Variants in CYFIP1 observed in about 807,000 individuals in gnomAD.
The protein encoded by CYFIP1 is cytoplasmic FMR1-interacting protein 1.
Under a neutral mutation model 163.5 loss-of-function variants are expected in CYFIP1, and 58 were observed. That is an observed-to-expected ratio of 0.35 (90% confidence interval 0.29 to 0.44). The LOEUF is 0.44. Among genes scored for constraint, CYFIP1 ranks in the 20% least tolerant of loss-of-function variants. CYFIP1 has a pLI of 1.00. For missense variants in CYFIP1, 1,338 were observed against 1,653.8 expected, an observed-to-expected ratio of 0.81 and a Z score of 3.31; for synonymous variants, 663 against 660.7, an observed-to-expected ratio of 1.00 and a Z score of -0.05.
intron 23 of CYFIP1, among the ~76,000 whole-genome samples, chr15:22,883,758 A>C (rs893722224): frequency 1.7e-4 from 25 of 145,074 alleles, no homozygotes; most frequent in Non-Finnish European, 3.6e-4. Flanking sequence ...TGGAGCTTGC[A>C]GTGAGCCGAG....
At chr15:22,916,151 A>G (rs943243980) in intron 16 of CYFIP1, among the ~76,000 whole-genome samples, 13 of 152,184 alleles carry the variant, frequency 8.5e-5, no homozygotes, top group African/African-American at 2.9e-4. Context: ...TGCAAGGGCC[A>G]TTTCTAGTAT....
chr15:22,975,986 G>T (rs1051750955), intron 1 of CYFIP1, among the ~76,000 whole-genome samples: 4 of 152,028 alleles, frequency 2.6e-5, no homozygotes, highest in Non-Finnish European at 4.4e-5. Context: ...GAGAACTGAT[G>T]TCTTTACTAT....
intron 21 of CYFIP1, among the ~76,000 whole-genome samples, chr15:22,906,101 C>T (rs946072797): frequency 7.3e-5 from 11 of 150,790 alleles, no homozygotes; most frequent in African/African-American, 2.0e-4. Context: ...AACCTTATTT[C>T]TCGATTTATT....
intron 13 of CYFIP1, among the ~76,000 whole-genome samples, chr15:22,923,974 A>T: frequency 6.6e-6 from 1 of 151,856 alleles, no homozygotes; most frequent in South Asian, 2.1e-4. Context: ...AACAAGAAAA[A>T]GAAGTTCTCA....
chr15:22,884,062 C>T (rs1253757153), intron 23 of CYFIP1, among the ~76,000 whole-genome samples: 1 of 152,088 alleles, frequency 6.6e-6, no homozygotes, highest in East Asian at 1.9e-4. Context: ...CAGTCAACTC[C>T]CACCAGCTCC....
intron 3 of CYFIP1, chr15:22,946,560 G>T: frequency 3.2e-6 from 1 of 310,196 alleles, no homozygotes; most frequent in Non-Finnish European, 6.4e-6. Context: ...AGAACTGCTT[G>T]AACCTGGGAG....
chr15:22,874,947 T>G (rs1335251902), intron 27 of CYFIP1, among the ~76,000 whole-genome samples: 12 of 152,164 alleles, frequency 7.9e-5, no homozygotes, highest in Admixed American at 7.9e-4. Flanking sequence ...CCACTCTGCT[T>G]CTTATATACC....
intron 21 of CYFIP1, chr15:22,904,147 G>C: frequency 1.7e-6 from 1 of 577,210 alleles, no homozygotes; most frequent in South Asian, 2.0e-5. Flanking sequence ...TACCCCTGCT[G>C]TCCAGCACCC....
chr15:22,935,045 C>T (rs1421686216), intron 9 of CYFIP1, among the ~76,000 whole-genome samples: 1 of 152,058 alleles, frequency 6.6e-6, no homozygotes, highest in African/African-American at 2.4e-5. Context: ...TAATCAATCC[C>T]AGTCAATATT....
intron 1 of CYFIP1, among the ~76,000 whole-genome samples, chr15:22,963,039 C>T (rs2062741921): frequency 6.6e-6 from 1 of 152,066 alleles, no homozygotes. Flanking sequence ...CTAAACAGGG[C>T]CAGTAGTGGA....
rs1444366983 is a variant in CYFIP1, at chr15:22,928,079, C to T, written c.1111-51G>A. On this transcript the variant is annotated intron_variant, in intron 11 of 30. Transcript: ENST00000617928. ...GAGAAACCAGCGCCCCCACCCAGCT[C>T]CCCCCATCCCGGGATCCACCATGAG... 4 of 1,438,934 alleles carry T rather than the reference C, an allele frequency of 2.8e-6. No homozygotes were observed. The South Asian group carries it at 5.7e-5, about 20-fold the overall frequency. 89.1% of individuals were successfully genotyped at this position (1,438,934 alleles called of 1,614,324 possible). A position where few individuals can be genotyped will look rare whatever the true frequency, so the allele number is the denominator to read the frequency against.
intron 22 of CYFIP1, among the ~76,000 whole-genome samples, chr15:22,903,127 T>C (rs1268352882): frequency 6.6e-6 from 1 of 152,160 alleles, no homozygotes; most frequent in Non-Finnish European, 1.5e-5. Context: ...CCCCCCAGGC[T>C]GTTGGTGTCT....
At chr15:22,929,373 C>T (rs1420916998) in intron 11 of CYFIP1, among the ~76,000 whole-genome samples, 2 of 152,060 alleles carry the variant, frequency 1.3e-5, no homozygotes, top group East Asian at 3.9e-4. Flanking sequence ...ATGGCTCATG[C>T]CTGTAATCCC....
chr15:22,877,882 C>T (rs1210953329), intron 26 of CYFIP1, among the ~76,000 whole-genome samples: 1 of 152,250 alleles, frequency 6.6e-6, no homozygotes, highest in African/African-American at 2.4e-5. Context: ...GCGTGTCACG[C>T]CTGACCTCGG....
intron 1 of CYFIP1, among the ~76,000 whole-genome samples, chr15:22,954,503 C>A (rs1415645891): frequency 1.3e-5 from 2 of 152,186 alleles, no homozygotes; most frequent in Non-Finnish European, 2.9e-5. Context: ...CAAAACAAGC[C>A]AGCCAGACCT....
At position 22,873,520 on chromosome 15, in the gene CYFIP1, A is replaced by T. The variant is rs1219842835; in HGVS notation, c.3420T>A (p.Ile1140=). Residue 1140 remains isoleucine, a synonymous_variant, in exon 29 of 31, where the codon ATT becomes ATA. Coordinates refer to ENST00000617928, the MANE Select transcript of CYFIP1 (RefSeq NM_014608.6). Reference sequence around the variant, plus strand: ...CTGTGAACTCGTGTGTCCCCACGGGAATGCAGTAGACAAACTGCATGGCAC... The same window carrying T: ...CTGTGAACTCGTGTGTCCCCACGGGTATGCAGTAGACAAACTGCATGGCAC... ...LWSAMQFVYC[I]PVGTHEFTVE... is the part of the protein sequence containing the mutation. 3 of 1,613,680 alleles carry T rather than the reference A, an allele frequency of 1.9e-6. No homozygotes were observed. The highest frequency in any genetic ancestry group is 1.7e-5 in the Admixed American group (1 of 60,000).
Position 22,873,657 on chromosome 15 carries a change from C to T in CYFIP1, c.3283G>A (p.Val1095Ile), listed in dbSNP as rs1466910971. 6.2e-7 allele frequency: 1 copy of T among 1,614,136 alleles called. No homozygotes were observed. Among genetic ancestry groups the T allele is most frequent in the Non-Finnish European group, 8.5e-7 (1 of 1,180,050 alleles). ...RLCCGLSMFE[V>I]ILTRIRSFLD... Reference sequence around the variant, plus strand: ...AAGCTCCGGATCCGTGTCAGGATGACCTCAAACATGGACAGGCCGCAGCAG... The same window carrying T: ...AAGCTCCGGATCCGTGTCAGGATGATCTCAAACATGGACAGGCCGCAGCAG... Residue 1095 changes from valine to isoleucine, a missense_variant, in exon 29 of 31, where the codon GTC becomes ATC. Val to Ile is a conservative substitution (Grantham distance 29). Around this residue, in one of 4 missense-constraint regions of CYFIP1, gnomAD observed 306 missense variants for 322.1 expected, o/e 0.95. Transcript: ENST00000617928.
At chr15:22,976,116 G>A (rs2063267569) in intron 1 of CYFIP1, among the ~76,000 whole-genome samples, 1 of 151,462 alleles carries the variant, frequency 6.6e-6, no homozygotes, top group South Asian at 2.1e-4. Context: ...CTAAGTATTT[G>A]ATTCCTTTGA....
intron 26 of CYFIP1, among the ~76,000 whole-genome samples, chr15:22,878,271 C>T (rs2059641853): frequency 6.6e-6 from 1 of 152,118 alleles, no homozygotes; most frequent in African/African-American, 2.4e-5. Context: ...GGGAACGCGG[C>T]AAGTGGGGAC....
Sources: gnomAD v4.1 joint callset for allele counts (sites outside exome capture counted in the v4.1 genomes callset) on GRCh38, gnomAD v4.1.1 for gene constraint, gnomAD v4.1.1 regional missense constraint, MANE v1.5 for transcripts, NCBI Gene and HGNC (gene_info 2026-07-23, HGNC 2026-07-21) for gene names.